AGBL4: variants seen among roughly 807,000 people sequenced by gnomAD.
The protein encoded by AGBL4 is cytosolic carboxypeptidase 6.
In AGBL4, 58 loss-of-function variants were observed where a neutral mutation model predicts 66.4. The observed-to-expected ratio is 0.87, with a 90% CI of 0.71 to 1.09. The LOEUF (loss-of-function observed/expected upper bound fraction) is 1.09, where lower values mean the gene tolerates loss of function less well. AGBL4 is among the 50% of genes least tolerant of loss of function. The probability of loss-of-function intolerance (pLI) is 0.00; values close to 1 mark genes in which losing one functional copy is unlikely to be tolerated. For missense variants in AGBL4, 579 were observed against 631.0 expected (o/e 0.92, Z 0.88); for synonymous variants, 234 against 222.9 (o/e 1.05, Z -0.44).
intron 1 of AGBL4, chr1:50,017,536 C>T (rs975191804): frequency 3.9e-5 from 6 of 152,042 alleles, no homozygotes; most frequent in East Asian, 3.9e-4. Context: ...GAATACTACA[C>T]ATAAAAAAGA....
At chr1:48,588,539 C>T (rs193226124) in intron 10 of AGBL4, among the ~76,000 whole-genome samples, 5 of 151,956 alleles carry the variant, frequency 3.3e-5, no homozygotes, top group African/African-American at 9.7e-5. Flanking sequence ...ATGAACAGAC[C>T]ATGGTTTTAA....
At chr1:49,362,449 CAAAAAAAAA>C (rs145467066) in intron 3 of AGBL4, among the ~76,000 whole-genome samples, 1 of 80,912 alleles carries the variant, frequency 1.2e-5, no homozygotes, top group Non-Finnish European at 2.3e-5. Flanking sequence ...GACCCTGTCT[CAAAAAAAAA>C]AAAAAAAAAA....
intron 3 of AGBL4, among the ~76,000 whole-genome samples, chr1:49,386,125 C>G (rs529692511): frequency 6.6e-6 from 1 of 151,650 alleles, no homozygotes; most frequent in Admixed American, 6.6e-5. Flanking sequence ...ATTCTTTGAC[C>G]CCATGATCTT....
chr1:49,563,542 C>A (rs926195891), intron 3 of AGBL4, among the ~76,000 whole-genome samples: 19 of 152,180 alleles, frequency 1.2e-4, no homozygotes, highest in Admixed American at 1.2e-3. Context: ...TTGTCAAAGG[C>A]CTTTTCTGCA....
intron 4 of AGBL4, among the ~76,000 whole-genome samples, chr1:49,130,893 T>C (rs1424910017): frequency 2.0e-5 from 3 of 152,176 alleles, no homozygotes; most frequent in Admixed American, 6.6e-5. Context: ...ATGCTTACTA[T>C]ATAATTCATT....
chr1:49,318,703 T>A (rs1372968351), intron 3 of AGBL4, among the ~76,000 whole-genome samples: 1 of 151,972 alleles, frequency 6.6e-6, no homozygotes. Flanking sequence ...GCTAGAAAGT[T>A]ATGAAGCCAG....
chr1:49,413,943 A>G (rs1267388953), intron 3 of AGBL4, among the ~76,000 whole-genome samples: 4 of 152,144 alleles, frequency 2.6e-5, no homozygotes, highest in Non-Finnish European at 2.9e-5. Flanking sequence ...TAGTTCACAG[A>G]GTTGTTGAGA....
At chr1:48,699,623 G>A (rs1646769857) in intron 6 of AGBL4, among the ~76,000 whole-genome samples, 1 of 152,160 alleles carries the variant, frequency 6.6e-6, no homozygotes, top group South Asian at 2.1e-4. Flanking sequence ...ATGAGAATTT[G>A]TGAATAAATT....
chr1:49,480,850 A>G (rs76825362), intron 3 of AGBL4, among the ~76,000 whole-genome samples: 1 of 152,260 alleles, frequency 6.6e-6, no homozygotes, highest in African/African-American at 2.4e-5. Context: ...ATTTTTCTGC[A>G]TATGGCTAGC....
chr1:49,295,686 G>T (rs769635381), intron 3 of AGBL4, among the ~76,000 whole-genome samples: 1 of 152,124 alleles, frequency 6.6e-6, no homozygotes, highest in Non-Finnish European at 1.5e-5. Context: ...ACTACCATTA[G>T]ATTACATTTA....
At chr1:49,461,493 T>C (rs984209874) in intron 3 of AGBL4, among the ~76,000 whole-genome samples, 143 of 151,218 alleles carry the variant, frequency 9.5e-4, no homozygotes, top group African/African-American at 3.2e-3. Context: ...AGAATTTTCC[T>C]TTCTTTTTTT....
At chr1:49,211,955 A>G (rs1648702325) in intron 4 of AGBL4, among the ~76,000 whole-genome samples, 2 of 152,084 alleles carry the variant, frequency 1.3e-5, no homozygotes, top group South Asian at 2.1e-4. Flanking sequence ...GAAGCTTTAC[A>G]TGTATTATCA....
chr1:49,526,066 C>T (rs1311078232), intron 3 of AGBL4, among the ~76,000 whole-genome samples: 1 of 151,842 alleles, frequency 6.6e-6, no homozygotes, highest in Non-Finnish European at 1.5e-5. Context: ...TGCACTCCAG[C>T]CTGGGCAACA....
At chr1:49,690,103 TCA>T (rs1646858743) in intron 3 of AGBL4, among the ~76,000 whole-genome samples, 1 of 152,196 alleles carries the variant, frequency 6.6e-6, no homozygotes, top group Non-Finnish European at 1.5e-5. Context: ...AGATTAAGAC[TCA>T]CTGAAGCCTC....
intron 4 of AGBL4, among the ~76,000 whole-genome samples, chr1:49,131,533 G>A (rs1254299991): frequency 6.6e-6 from 1 of 152,092 alleles, no homozygotes; most frequent in African/African-American, 2.4e-5. Flanking sequence ...CATAGAAGCA[G>A]CTAACCCAAA....
intron 5 of AGBL4, among the ~76,000 whole-genome samples, chr1:48,885,352 T>C (rs1489940274): frequency 2.6e-5 from 4 of 152,186 alleles, no homozygotes; most frequent in East Asian, 1.9e-4. Flanking sequence ...GTGGCAGAGA[T>C]TGTTTGACCT....
Position 49,767,584 on chromosome 1 carries a change from A to G in AGBL4, c.158-70147T>C, listed in dbSNP as rs915018961. On this transcript the variant is annotated intron_variant, in intron 2 of 13. Transcript: ENST00000371839. ...GAAGAAACAACCACAACATAAGCGG[A>G]AAAAAAAAGAAGTAAAATCACAGCA... is the stretch of plus-strand genomic sequence containing the variant. Among the ~76,000 whole-genome samples, 9 of 151,258 alleles carry G rather than the reference A, an allele frequency of 6.0e-5. No homozygotes were observed. In the South Asian group the frequency reaches 6.3e-4, roughly 11 times the overall value.
intron 11 of AGBL4, among the ~76,000 whole-genome samples, chr1:48,541,880 T>C (rs1644077642): frequency 6.6e-6 from 1 of 152,330 alleles, no homozygotes; most frequent in Non-Finnish European, 1.5e-5. Context: ...CTGGGATACA[T>C]GTGCAGAACG....
At chr1:49,645,169 G>T (rs1294886632) in intron 3 of AGBL4, among the ~76,000 whole-genome samples, 2 of 151,534 alleles carry the variant, frequency 1.3e-5, no homozygotes, top group East Asian at 1.9e-4. Flanking sequence ...AATGACCTTA[G>T]CTTGCATGGT....
Sources: gnomAD v4.1 joint callset for allele counts (sites outside exome capture counted in the v4.1 genomes callset) on GRCh38, gnomAD v4.1.1 for gene constraint, MANE v1.5 for transcripts, NCBI Gene and HGNC (gene_info 2026-07-23, HGNC 2026-07-21) for gene names.